The following CRYBG1 variants were observed in gnomAD, a reference collection of about 807,000 sequenced individuals.
CRYBG1 encodes beta/gamma crystallin domain-containing protein 1.
A neutral mutation model predicts 189.2 loss-of-function variants in CRYBG1; 139 were observed. The observed-to-expected ratio is 0.73, with a 90% CI of 0.64 to 0.85. The LOEUF (loss-of-function observed/expected upper bound fraction) is 0.85. Among genes scored for constraint, CRYBG1 ranks in the 40% least tolerant of loss-of-function variants. CRYBG1 has a pLI of 0.00. For missense variants in CRYBG1, 2,611 were observed against 2,675.8 expected (o/e 0.98, Z 0.53); for synonymous variants, 1,023 against 1,017.1 (o/e 1.01, Z -0.11).
chr6:106,392,773 A>AT (rs34775347), intron 1 of CRYBG1, among the ~76,000 whole-genome samples: 66,756 of 150,948 alleles, frequency 0.44, 15,764 homozygotes, highest in African/African-American at 0.62. Flanking sequence ...AAGAGAAATA[A>AT]TTTTTTTTTT....
At chr6:106,558,375 G>T (rs774235049) in intron 17 of CRYBG1, 111 bp from the exon 18 acceptor site, 118 of 924,080 alleles carry the variant, frequency 1.3e-4, no homozygotes, top group Non-Finnish European at 1.6e-4. Flanking sequence ...TTATGGAAAG[G>T]CCAAATCTAG....
chr6:106,446,894 C>T (rs1448544849), intron 1 of CRYBG1, among the ~76,000 whole-genome samples: 1 of 152,180 alleles, frequency 6.6e-6, no homozygotes, highest in Non-Finnish European at 1.5e-5. Flanking sequence ...TTGCTACCAA[C>T]TTAATCTCCA....
intron 2 of CRYBG1, among the ~76,000 whole-genome samples, chr6:106,499,196 A>G (rs1772931986): frequency 7.4e-6 from 1 of 134,620 alleles, no homozygotes; most frequent in Non-Finnish European, 1.5e-5. Context: ...TCTGTCTCCC[A>G]GGCTGGAGTG....
chr6:106,500,013 G>A (rs1384077055), intron 2 of CRYBG1, among the ~76,000 whole-genome samples: 2 of 152,150 alleles, frequency 1.3e-5, no homozygotes, highest in Non-Finnish European at 2.9e-5. Flanking sequence ...TCTTTTTTAA[G>A]GCTGAATTAT....
At chr6:106,397,360 C>G (rs1770632540) in intron 1 of CRYBG1, among the ~76,000 whole-genome samples, 2 of 152,150 alleles carry the variant, frequency 1.3e-5, no homozygotes. Flanking sequence ...AATTAGATCT[C>G]TAGAACTTAT....
rs1773594729 is a variant in CRYBG1 at position 106,521,067 on chromosome 6, A to G, written c.3859A>G (p.Thr1287Ala). Residue 1287 changes from threonine (T) to alanine (A), a missense_variant, in exon 4 of 22, where the codon ACG becomes GCG. Thr to Ala is a moderately conservative substitution (Grantham distance 58). This residue lies in a region of CRYBG1 where 1,622 missense variants were observed against 1,735.0 expected (regional missense o/e 0.93). Transcript: ENST00000633556. ...SLSQSSVSQP[T>A]TEGAPPCGLN... Reference sequence around the variant, plus strand: ...ATCTCAGTCTTCAGTGTCACAGCCCACGACTGAGGGTGCCCCGCCCTGTGG... The same window carrying G: ...ATCTCAGTCTTCAGTGTCACAGCCCGCGACTGAGGGTGCCCCGCCCTGTGG... 3.1e-6 allele frequency: 5 copies of G among 1,614,160 alleles called. No homozygotes were observed. Among genetic ancestry groups the G allele is most frequent in the Non-Finnish European group, 4.2e-6 (5 of 1,180,030 alleles).
intron 1 of CRYBG1, among the ~76,000 whole-genome samples, chr6:106,397,392 A>T (rs939596655): frequency 2.6e-5 from 4 of 152,162 alleles, no homozygotes; most frequent in Non-Finnish European, 5.9e-5. Context: ...AACTGAAACC[A>T]TTTTATTTTT....
intron 2 of CRYBG1, among the ~76,000 whole-genome samples, chr6:106,475,874 A>G (rs934715969): frequency 1.3e-5 from 2 of 152,214 alleles, no homozygotes; most frequent in African/African-American, 4.8e-5. Flanking sequence ...TTAAAGAGAT[A>G]CACGTTTCCT....
At chr6:106,389,603 G>T (rs917508699) in intron 1 of CRYBG1, among the ~76,000 whole-genome samples, 1 of 152,028 alleles carries the variant, frequency 6.6e-6, no homozygotes, top group African/African-American at 2.4e-5. Context: ...TCACATTTTA[G>T]AAAAATAGCA....
intron 1 of CRYBG1, among the ~76,000 whole-genome samples, chr6:106,389,679 TTA>T (rs1770461190): frequency 6.6e-6 from 1 of 152,120 alleles, no homozygotes; most frequent in South Asian, 2.1e-4. Flanking sequence ...ATGAAGTAAC[TTA>T]TATATGTTAG....
intron 2 of CRYBG1, among the ~76,000 whole-genome samples, chr6:106,452,416 T>C (rs1017449502): frequency 1.2e-5 from 1 of 85,628 alleles, no homozygotes; most frequent in African/African-American, 6.3e-5. Context: ...AGAGTGAGAC[T>C]GTCTCAAAAA....
In CRYBG1 at chr6:106,483,356, TTG is replaced by T. The variant is rs367865745; in HGVS notation, c.313-28052_313-28051del. 8.4e-3 allele frequency among the ~76,000 whole-genome samples: 1,113 copies of T among 132,036 alleles called. 25 individuals are homozygous for T. The highest frequency in any genetic ancestry group is 0.025 in the African/African-American group (1,002 of 39,362). 86.6% of individuals were successfully genotyped at this position (132,036 alleles called of 152,430 possible). On this transcript the variant is annotated intron_variant, in intron 2 of 21. Coordinates refer to ENST00000633556, the MANE Select transcript of CRYBG1 (RefSeq NM_001371242.2). ...CTTTTTATGCCTGCATAGTATTCCATTGTGTGTGTGTGTGTGTGTGTGTATAT... is the reference window on the plus strand; with the variant it reads ...CTTTTTATGCCTGCATAGTATTCCATTGTGTGTGTGTGTGTGTGTGTATAT...
chr6:106,370,518 C>A (rs1053134708), intron 1 of CRYBG1, among the ~76,000 whole-genome samples: 1 of 152,186 alleles, frequency 6.6e-6, no homozygotes, highest in African/African-American at 2.4e-5. Flanking sequence ...CTGACTTATT[C>A]TTGAGGATTC....
chr6:106,499,205 T>C (rs1031074488), intron 2 of CRYBG1, among the ~76,000 whole-genome samples: 2 of 148,160 alleles, frequency 1.3e-5, no homozygotes, highest in African/African-American at 5.0e-5. Flanking sequence ...CAGGCTGGAG[T>C]GCAGTGGCGT....
At chr6:106,452,688 T>C (rs544150822) in intron 2 of CRYBG1, among the ~76,000 whole-genome samples, 1 of 152,348 alleles carries the variant, frequency 6.6e-6, no homozygotes, top group South Asian at 2.1e-4. Context: ...ATCTAGATGC[T>C]TGTACAGAAA....
At chr6:106,432,256 CTT>C (rs1279264353) in intron 1 of CRYBG1, among the ~76,000 whole-genome samples, 1 of 152,204 alleles carries the variant, frequency 6.6e-6, no homozygotes, top group Non-Finnish European at 1.5e-5. Context: ...TTCTGCATGA[CTT>C]TGCTCACTTC....
At chr6:106,468,241 A>T (rs1246309134) in intron 2 of CRYBG1, among the ~76,000 whole-genome samples, 1 of 152,180 alleles carries the variant, frequency 6.6e-6, no homozygotes, top group Non-Finnish European at 1.5e-5. Flanking sequence ...AGCAATAGGA[A>T]CTGGAGCAGG....
At chr6:106,362,513 A>C (rs1771899673) in intron 1 of CRYBG1, among the ~76,000 whole-genome samples, 1 of 152,188 alleles carries the variant, frequency 6.6e-6, no homozygotes, top group Admixed American at 6.5e-5. Flanking sequence ...AGGCAGAAAC[A>C]GGGAGGAGCA....
At chr6:106,544,423 C>A in intron 11 of CRYBG1, 148 bp from the exon 12 acceptor site, 1 of 921,406 alleles carries the variant, frequency 1.1e-6, no homozygotes, top group Non-Finnish European at 1.6e-6. Context: ...TGTTATTCTC[C>A]TAAATTTTAA....
Sources: gnomAD v4.1 joint callset for allele counts (sites outside exome capture counted in the v4.1 genomes callset) on GRCh38, gnomAD v4.1.1 for gene constraint, gnomAD v4.1.1 regional missense constraint, MANE v1.5 for transcripts, NCBI Gene and HGNC (gene_info 2026-07-23, HGNC 2026-07-21) for gene names.